Variants in RSRC1 observed in about 807,000 individuals in gnomAD.
The protein encoded by RSRC1 is serine/Arginine-related protein 53.
Under a neutral mutation model 49.1 loss-of-function variants are expected in RSRC1, and 39 were observed. The ratio of observed to expected loss-of-function variants is 0.79; its 90% CI spans 0.61 to 1.04. The LOEUF (loss-of-function observed/expected upper bound fraction) is 1.04. Ranked by LOEUF, RSRC1 falls within the 50% of genes least tolerant of loss-of-function variation. RSRC1 has a pLI of 0.00. For missense variants in RSRC1, 388 were observed against 402.4 expected (o/e 0.96, Z 0.31); for synonymous variants, 143 against 130.8 (o/e 1.09, Z -0.63).
At chr3:158,249,715 A>G (rs372214516) in intron 4 of RSRC1, among the ~76,000 whole-genome samples, 1 of 152,084 alleles carries the variant, frequency 6.6e-6, no homozygotes, top group Admixed American at 6.6e-5. Flanking sequence ...GTAGGTTTAT[A>G]TATTAATGGA....
rs1713216364 is a variant in RSRC1, at chr3:158,544,447, A to G, written c.*172A>G. The G allele has an allele frequency of 2.4e-6, 1 of 413,424 alleles. No homozygotes were observed. Among genetic ancestry groups the G allele is most frequent in the Non-Finnish European group, 4.3e-6 (1 of 233,412 alleles). 25.6% of individuals were successfully genotyped at this position (413,424 alleles called of 1,614,324 possible). A position where few individuals can be genotyped will look rare whatever the true frequency, so the allele number is the denominator to read the frequency against. On this transcript the variant is annotated 3_prime_UTR_variant, in exon 10 of 10. Coordinates refer to ENST00000611884, the MANE Select transcript of RSRC1 (RefSeq NM_001271838.2). ...TTGAATATTTGTTAATTTGAATTAAATCAAACATTGTAAAAATTAAAACAA... is the reference window on the plus strand; with the variant it reads ...TTGAATATTTGTTAATTTGAATTAAGTCAAACATTGTAAAAATTAAAACAA...
chr3:158,240,238 A>C (rs923087378), intron 4 of RSRC1, among the ~76,000 whole-genome samples: 6 of 152,132 alleles, frequency 3.9e-5, no homozygotes, highest in Admixed American at 3.9e-4. Flanking sequence ...GAATTCTGCT[A>C]ATATTTTATC....
rs1273489156 is a variant in RSRC1, at chr3:158,544,704, C to T, written c.*429C>T. 1 of 152,226 alleles carries T rather than the reference C, an allele frequency of 6.6e-6. No homozygotes were observed. The highest frequency in any genetic ancestry group is 1.9e-4 in the East Asian group (1 of 5,202). 9.4% of individuals were successfully genotyped at this position (152,226 alleles called of 1,614,324 possible). The stretch of plus-strand genomic sequence containing the variant: ...AACCATTTTTAAATATTTTATTTCA[C>T]CATATTGCAAATTTTTAGGCACAAT... On this transcript the variant is annotated 3_prime_UTR_variant, in exon 10 of 10. Coordinates refer to ENST00000611884, the MANE Select transcript of RSRC1 (RefSeq NM_001271838.2).
At chr3:158,200,784 C>T (rs1721000504) in intron 3 of RSRC1, among the ~76,000 whole-genome samples, 1 of 151,954 alleles carries the variant, frequency 6.6e-6, no homozygotes, top group Non-Finnish European at 1.5e-5. Context: ...ATTTACCTGC[C>T]CCATGCTTTA....
intron 4 of RSRC1, among the ~76,000 whole-genome samples, chr3:158,260,948 A>T (rs903487274): frequency 2.0e-5 from 3 of 152,156 alleles, no homozygotes; most frequent in Non-Finnish European, 4.4e-5. Flanking sequence ...GTTCAGGGAA[A>T]GGTGGTGTAG....
At chr3:158,254,117 A>G (rs1193534) in intron 4 of RSRC1, among the ~76,000 whole-genome samples, 68,365 of 151,996 alleles carry the variant, frequency 0.45, 15,719 homozygotes, top group East Asian at 0.64. Flanking sequence ...ATGGCTGCAT[A>G]GTATTCCATG....
chr3:158,171,983 A>G (rs1718907135), intron 3 of RSRC1, among the ~76,000 whole-genome samples: 1 of 151,988 alleles, frequency 6.6e-6, no homozygotes, highest in Non-Finnish European at 1.5e-5. Context: ...AACAACAAAA[A>G]CCATACATAA....
intron 6 of RSRC1, among the ~76,000 whole-genome samples, chr3:158,422,072 TA>T (rs1553803091): frequency 0.083 from 4 of 48 alleles, no homozygotes; most frequent in South Asian, 0.5. Flanking sequence ...TTTTCTTTTT[TA>T]TTATTATTAT....
At chr3:158,271,850 A>T (rs1725535800) in intron 4 of RSRC1, among the ~76,000 whole-genome samples, 1 of 152,156 alleles carries the variant, frequency 6.6e-6, no homozygotes, top group African/African-American at 2.4e-5. Flanking sequence ...TTTCACCCAG[A>T]ATATAGGTGA....
At chr3:158,511,448 G>A (rs1483630510) in intron 7 of RSRC1, among the ~76,000 whole-genome samples, 1 of 152,170 alleles carries the variant, frequency 6.6e-6, no homozygotes, top group African/African-American at 2.4e-5. Flanking sequence ...CAAAGGACAT[G>A]AACTCATCAT....
At chr3:158,208,666 A>G (rs1224541829) in intron 4 of RSRC1, among the ~76,000 whole-genome samples, 1 of 152,196 alleles carries the variant, frequency 6.6e-6, no homozygotes, top group African/African-American at 2.4e-5. Context: ...CCACTGTGCC[A>G]GGCCCTAGAT....
At position 158,211,487 on chromosome 3, in the gene RSRC1, C is replaced by T. The variant is rs147012916; in HGVS notation, c.494+8242C>T. Among the ~76,000 whole-genome samples the T allele has an allele frequency of 3.7e-3, 555 of 152,024 alleles. 1 individual carries two copies. The highest frequency in any genetic ancestry group is 6.1e-3 in the Non-Finnish European group (417 of 67,900). On this transcript the variant is annotated intron_variant, in intron 4 of 9. Coordinates refer to ENST00000611884, the MANE Select transcript of RSRC1 (RefSeq NM_001271838.2). ...ATAGATTCAAAACTAGCTTCTTCCA[C>T]ATAGGGGAAGGAAATCAATTACACC...
At chr3:158,136,127 G>T (rs1399791237) in intron 3 of RSRC1, among the ~76,000 whole-genome samples, 1 of 152,152 alleles carries the variant, frequency 6.6e-6, no homozygotes, top group African/African-American at 2.4e-5. Context: ...ATAGAAGGTG[G>T]CATTACAGAC....
At chr3:158,229,384 G>A (rs1354510123) in intron 4 of RSRC1, among the ~76,000 whole-genome samples, 1 of 94,958 alleles carries the variant, frequency 1.1e-5, no homozygotes, top group African/African-American at 3.4e-5. Flanking sequence ...GTGTATGTAT[G>A]TGTATATATA....
intron 4 of RSRC1, among the ~76,000 whole-genome samples, chr3:158,294,162 C>T (rs555193194): frequency 6.6e-6 from 1 of 152,056 alleles, no homozygotes; most frequent in South Asian, 2.1e-4. Context: ...TAGATGTTAA[C>T]ACTTCTACTC....
intron 7 of RSRC1, among the ~76,000 whole-genome samples, chr3:158,486,313 A>G (rs912287178): frequency 6.6e-6 from 1 of 152,108 alleles, no homozygotes; most frequent in Non-Finnish European, 1.5e-5. Context: ...CATTATGGAA[A>G]CTGGATCACT....
At chr3:158,420,526 G>A (rs78126188) in intron 6 of RSRC1, among the ~76,000 whole-genome samples, 6,085 of 151,902 alleles carry the variant, frequency 0.04, 174 homozygotes, top group East Asian at 0.1. Flanking sequence ...CTTTGAAGAA[G>A]TCACTTAACC....
chr3:158,350,382 C>G (rs959796239), intron 5 of RSRC1, among the ~76,000 whole-genome samples: 9 of 151,776 alleles, frequency 5.9e-5, no homozygotes, highest in African/African-American at 1.9e-4. Flanking sequence ...CCATGTTGCC[C>G]AGGCTGGTCT....
In RSRC1 at chr3:158,228,846, AAC is replaced by A. The variant is rs137878773; in HGVS notation, c.494+25607_494+25608del. Reference sequence around the variant, plus strand: ...ACACACGTGTGTATATATGTATATAAACACACATACGTGTATATATGTATATA... The same window carrying A: ...ACACACGTGTGTATATATGTATATAAACACATACGTGTATATATGTATATA... On this transcript the variant is annotated intron_variant, in intron 4 of 9. Transcript: ENST00000611884. 2.5e-3 allele frequency among the ~76,000 whole-genome samples: 218 copies of A among 88,906 alleles called. 4 individuals are homozygous for A. Among genetic ancestry groups the A allele is most frequent in the South Asian group, 5.1e-3 (12 of 2,332 alleles). The allele number at this position is 88,906 out of a possible 152,430, so 58.3% of individuals were successfully genotyped here.
Sources: gnomAD v4.1 joint callset for allele counts (sites outside exome capture counted in the v4.1 genomes callset) on GRCh38, gnomAD v4.1.1 for gene constraint, MANE v1.5 for transcripts, NCBI Gene and HGNC (gene_info 2026-07-23, HGNC 2026-07-21) for gene names.